The following KCNMA1 variants were observed in gnomAD, a reference collection of about 807,000 sequenced individuals.
KCNMA1 encodes Calcium-activated potassium channel subunit alpha-1.
A neutral mutation model predicts 140.0 loss-of-function variants in KCNMA1; 29 were observed. The observed-to-expected ratio is 0.21, with a 90% CI of 0.15 to 0.28. The LOEUF is 0.28. Among genes scored for constraint, KCNMA1 ranks in the 10% least tolerant of loss-of-function variants. KCNMA1 has a pLI of 1.00. For synonymous variants in KCNMA1, 612 were observed against 611.9 expected (o/e 1.00, Z 0.00); for missense variants, 880 against 1,602.2 (o/e 0.55, Z 7.70).
intron 3 of KCNMA1, among the ~76,000 whole-genome samples, chr10:77,211,771 C>T: frequency 6.6e-6 from 1 of 151,856 alleles, no homozygotes; most frequent in East Asian, 1.9e-4. Flanking sequence ...AATAATCCCA[C>T]TAAAAAATGG....
rs556683070 is a variant in KCNMA1, at chr10:77,298,524, G to A, written c.541-47268C>T. Among the ~76,000 whole-genome samples, 3 of 152,150 alleles carry A rather than the reference G, an allele frequency of 2.0e-5. No individual in the cohort carries two copies. The South Asian group carries it at 6.2e-4, about 32-fold the overall frequency. ...CCCAAAGTGCTGGGATTACAGGTGT[G>A]AGCCACCGTGCCCAAACTTGCAGCT... On this transcript the variant is annotated intron_variant, in intron 2 of 27. Transcript: ENST00000286628.
chr10:77,142,371 A>T (rs1453679429), intron 5 of KCNMA1, among the ~76,000 whole-genome samples: 1 of 58,792 alleles, frequency 1.7e-5, no homozygotes, highest in Non-Finnish European at 3.4e-5. Flanking sequence ...ACTCCATTTA[A>T]AAAAAAAAAA....
rs1234442412 is a variant in KCNMA1 at position 77,108,742 on chromosome 10, T to A, written c.1132-170A>T. Among the ~76,000 whole-genome samples, 1 of 151,550 alleles carries A rather than the reference T, an allele frequency of 6.6e-6. No individual in the cohort carries two copies. ...AACTAAAAGCACGAAGAGAGCAAGC[T>A]CCCAGAAATACACAAGACAAACAAA... On this transcript the variant is annotated intron_variant, in intron 8 of 27. Transcript: ENST00000286628. This position sits in a 1 kb window ranked among gnomAD's most constrained non-coding sequence, Gnocchi z 4.6.
chr10:77,579,100 C>T (rs1445436222), intron 1 of KCNMA1, among the ~76,000 whole-genome samples: 3 of 152,060 alleles, frequency 2.0e-5, no homozygotes, highest in Admixed American at 2.0e-4. Context: ...GGTCAGGAAG[C>T]CTTCTTGGAG....
intron 1 of KCNMA1, among the ~76,000 whole-genome samples, chr10:77,621,544 AC>A (rs2091392926): frequency 2.0e-5 from 3 of 147,496 alleles, no homozygotes; most frequent in Non-Finnish European, 4.4e-5. Context: ...ACACACACAC[AC>A]ACCCCTCTCT....
At chr10:77,335,155 C>T (rs1349289093) in intron 2 of KCNMA1, among the ~76,000 whole-genome samples, 2 of 152,162 alleles carry the variant, frequency 1.3e-5, no homozygotes, top group East Asian at 3.9e-4. Context: ...TCCCCATCTT[C>T]CTCCTCCTCC....
intron 1 of KCNMA1, among the ~76,000 whole-genome samples, chr10:77,629,107 A>T (rs2092889368): frequency 6.6e-6 from 1 of 152,222 alleles, no homozygotes; most frequent in South Asian, 2.1e-4. Context: ...TTACAGGGAG[A>T]TGATTCCAAG....
chr10:77,045,168 G>A (rs553256845), intron 14 of KCNMA1, among the ~76,000 whole-genome samples: 8 of 152,122 alleles, frequency 5.3e-5, no homozygotes, highest in Non-Finnish European at 1.2e-4. Flanking sequence ...CCACATTTGT[G>A]TTGTCAATGT....
At chr10:76,917,153 C>T (rs773079865) in intron 23 of KCNMA1, among the ~76,000 whole-genome samples, 1 of 152,106 alleles carries the variant, frequency 6.6e-6, no homozygotes, top group Non-Finnish European at 1.5e-5. Context: ...AAGTTTCATT[C>T]AAAAACATGA....
At chr10:77,460,164 A>G (rs1264349380) in intron 1 of KCNMA1, among the ~76,000 whole-genome samples, 4 of 152,306 alleles carry the variant, frequency 2.6e-5, no homozygotes, top group Admixed American at 6.5e-5. Context: ...ACTAACCCCT[A>G]TCTTAGAATG....
intron 1 of KCNMA1, among the ~76,000 whole-genome samples, chr10:77,591,159 G>A (rs2079024725): frequency 6.6e-6 from 1 of 152,188 alleles, no homozygotes; most frequent in African/African-American, 2.4e-5. Flanking sequence ...CTAAGGCTTA[G>A]TCAGCCTCCT....
chr10:77,634,484 C>G (rs1054225768), intron 1 of KCNMA1: 1 of 985,212 alleles, frequency 1.0e-6, no homozygotes, highest in South Asian at 4.7e-5. Context: ...AGGTTTGGTG[C>G]GATCCCAGAG....
chr10:77,007,328 C>T (rs946565658), intron 18 of KCNMA1, among the ~76,000 whole-genome samples: 2 of 152,092 alleles, frequency 1.3e-5, no homozygotes, highest in East Asian at 1.9e-4. Context: ...AGATGTCTGA[C>T]TAACATTCAT....
chr10:77,126,640 C>G (rs1164208480), intron 5 of KCNMA1, among the ~76,000 whole-genome samples: 3 of 152,052 alleles, frequency 2.0e-5, no homozygotes, highest in Non-Finnish European at 4.4e-5. Context: ...AGAGCTAGTC[C>G]CTTCATGAGA....
At chr10:76,990,171 GA>G (rs752516239) in intron 19 of KCNMA1, among the ~76,000 whole-genome samples, 72 of 152,300 alleles carry the variant, frequency 4.7e-4, no homozygotes, top group Middle Eastern at 3.4e-3. Context: ...ATGCCTAGAT[GA>G]AATGAGATGA....
chr10:77,595,753 G>A (rs573688124), intron 1 of KCNMA1, among the ~76,000 whole-genome samples: 8 of 152,220 alleles, frequency 5.3e-5, no homozygotes, highest in African/African-American at 1.4e-4. Context: ...AGGTTCAAGC[G>A]ATTCTTCTCC....
In KCNMA1 at chr10:77,506,197, C is replaced by A. The variant is rs568801865; in HGVS notation, c.379-102174G>T. On this transcript the variant is annotated intron_variant, in intron 1 of 27. Coordinates refer to ENST00000286628, the MANE Select transcript of KCNMA1 (RefSeq NM_001161352.2). ...TCTTGTGTAGAGCTAATTAGAGTTTCTTCTGGAAGATCTGAAACCACCAAC... is the reference window on the plus strand; with the variant it reads ...TCTTGTGTAGAGCTAATTAGAGTTTATTCTGGAAGATCTGAAACCACCAAC... Among the ~76,000 whole-genome samples the A allele has an allele frequency of 3.9e-5, 6 of 152,066 alleles. 1 individual carries two copies. The South Asian group carries it at 1.2e-3, about 32-fold the overall frequency.
chr10:77,195,507 T>C (rs1485928426), intron 3 of KCNMA1, among the ~76,000 whole-genome samples: 2 of 152,200 alleles, frequency 1.3e-5, no homozygotes, highest in African/African-American at 4.8e-5. Flanking sequence ...TGCACACTTT[T>C]CATTTCCTTC....
intron 1 of KCNMA1, among the ~76,000 whole-genome samples, chr10:77,567,785 TA>T (rs144668637): frequency 0.098 from 14,849 of 152,112 alleles, 917 homozygotes; most frequent in Middle Eastern, 0.15. Context: ...AACTGTAAAT[TA>T]TTTTTTTTAA....
Sources: gnomAD v4.1 joint callset for allele counts (sites outside exome capture counted in the v4.1 genomes callset) on GRCh38, gnomAD v4.1.1 for gene constraint, Gnocchi (gnomAD v3.1) non-coding constraint, MANE v1.5 for transcripts, NCBI Gene and HGNC (gene_info 2026-07-23, HGNC 2026-07-21) for gene names.